The following CCDC144A variants were observed in gnomAD, a reference collection of about 807,000 sequenced individuals.
CCDC144A encodes the protein coiled-coil domain-containing protein 144A.
In CCDC144A, 41 loss-of-function variants were observed where a neutral mutation model predicts 143.8. The ratio of observed to expected loss-of-function variants is 0.29; its 90% CI spans 0.22 to 0.37. The LOEUF (loss-of-function observed/expected upper bound fraction) is 0.37. Among genes scored for constraint, CCDC144A ranks in the 10% least tolerant of loss-of-function variants. The probability of loss-of-function intolerance (pLI) is 1.00; values close to 1 mark genes in which losing one functional copy is unlikely to be tolerated. For synonymous variants in CCDC144A, 242 were observed against 517.9 expected (o/e 0.47, Z 7.23); for missense variants, 637 against 1,488.8 (o/e 0.43, Z 9.41).
At chr17:16,761,388 T>G (rs556591197) in intron 12 of CCDC144A, 37 bp from the exon 13 acceptor site, 2 of 1,577,780 alleles carry the variant, frequency 1.3e-6, no homozygotes, top group South Asian at 1.2e-5. Flanking sequence ...TCAGTCTACC[T>G]TCTTCATTAC....
chr17:16,751,625 A>G (rs928527530), intron 12 of CCDC144A, among the ~76,000 whole-genome samples: 3 of 152,246 alleles, frequency 2.0e-5, no homozygotes, highest in Admixed American at 2.0e-4. Flanking sequence ...CAGCGGCCCA[A>G]GCCAAAAGTT....
At chr17:16,750,278 C>CT (rs962348618) in intron 12 of CCDC144A, among the ~76,000 whole-genome samples, 34 of 151,624 alleles carry the variant, frequency 2.2e-4, no homozygotes, top group African/African-American at 8.3e-4. Context: ...TCTTGTAAGT[C>CT]TGGTCTAGCG....
chr17:16,757,439 G>T (rs1442952837), intron 12 of CCDC144A, among the ~76,000 whole-genome samples: 1 of 152,256 alleles, frequency 6.6e-6, no homozygotes, highest in Admixed American at 6.5e-5. Context: ...CGGTGGGGCA[G>T]TAGGACTCTC....
At position 16,708,918 on chromosome 17, in the gene CCDC144A, G is replaced by T. The variant is rs766556877; in HGVS notation, c.861G>T (p.Trp287Cys). The change falls in exon 5 of 17, where the codon TGG (tryptophan) becomes TGT (cysteine). Residue 287 changes from tryptophan (W) to cysteine (C), a missense_variant. Transcript: ENST00000399273. ...GGATTGAACAAGGCAAATTAGAGTG[G>T]AAAAACCAATTAAAACTCGTCATAA... ...EMWIEQGKLE[W>C]KNQLKLVINE... The T allele has an allele frequency of 3.1e-6, 5 of 1,611,560 alleles. No individual in the cohort carries two copies. Among genetic ancestry groups the T allele is most frequent in the Admixed American group, 1.7e-5 (1 of 59,976 alleles).
intron 12 of CCDC144A, chr17:16,746,901 C>G (rs1914562188): frequency 4.8e-6 from 3 of 628,514 alleles, no homozygotes; most frequent in African/African-American, 1.8e-5. Flanking sequence ...CCTCCCTCCC[C>G]TCCCTCCCCT....
intron 5 of CCDC144A, among the ~76,000 whole-genome samples, chr17:16,711,150 A>AAAAAAAAC (rs1912407311): frequency 7.1e-6 from 1 of 140,954 alleles, no homozygotes; most frequent in East Asian, 2.0e-4. Flanking sequence ...AAAAAAAAAA[A>AAAAAAAAC]AAAAAAAACA....
At position 16,719,056 on chromosome 17, in the gene CCDC144A, T is replaced by C. The variant is rs1912938226; in HGVS notation, c.1716-1142T>C. ...CATCTTGGGAAAGCTGGTCTTGAAC[T>C]CCTGACCTCGTGATCCATCCACCTC... On this transcript the variant is annotated intron_variant, in intron 6 of 16. Transcript: ENST00000399273. Among the ~76,000 whole-genome samples, 4 of 150,646 alleles carry C rather than the reference T, an allele frequency of 2.7e-5. No individual in the cohort carries two copies. In the South Asian group the frequency reaches 8.5e-4, roughly 32 times the overall value.
At chr17:16,758,978 A>T (rs1915230150) in intron 12 of CCDC144A, among the ~76,000 whole-genome samples, 1 of 152,228 alleles carries the variant, frequency 6.6e-6, no homozygotes, top group Non-Finnish European at 1.5e-5. Context: ...GTGCCTTAAG[A>T]TGCGTATACC....
intron 8 of CCDC144A, among the ~76,000 whole-genome samples, chr17:16,721,279 G>T (rs1336371297): frequency 6.6e-6 from 1 of 151,960 alleles, no homozygotes; most frequent in Non-Finnish European, 1.5e-5. Context: ...AATCAGGAGA[G>T]TTAACATGTT....
At chr17:16,751,336 T>C (rs1274422614) in intron 12 of CCDC144A, among the ~76,000 whole-genome samples, 1 of 152,142 alleles carries the variant, frequency 6.6e-6, no homozygotes, top group African/African-American at 2.4e-5. Context: ...CTTTCCTGCA[T>C]TGGGTTTCAC....
chr17:16,682,883 G>GTTTTTTTTTTTTTTTTTTTTTTTTT, the CCDC144A span, among the ~76,000 whole-genome samples: 3 of 46,432 alleles, frequency 6.5e-5, 1 homozygote, highest in Non-Finnish European at 1.5e-4. Flanking sequence ...TGGATTCTCT[G>GTTTTTTTTTTTTTTTTTTTTTTTTT]TTTTTTTTTT....
In CCDC144A at chr17:16,707,535, A is replaced by C; in HGVS notation, c.731A>C (p.Gln244Pro). ...QERLKGCENK[Q>P]PQKTSQEPEM... ...AGACTTAAAGGATGCGAAAATAAGC[A>C]GCCACAGGTGTGGAAACATTTAAAC... Residue 244 changes from glutamine (Q) to proline (P), a missense_variant, in exon 4 of 17, where the codon CAG becomes CCG. Physicochemically the swap from Gln to Pro is moderately conservative, Grantham distance 76. Coordinates refer to ENST00000399273, the MANE Select transcript of CCDC144A (RefSeq NM_001382000.1). The C allele has an allele frequency of 6.3e-7, 1 of 1,591,532 alleles. No individual in the cohort carries two copies.
intron 12 of CCDC144A, among the ~76,000 whole-genome samples, chr17:16,758,040 TG>T (rs1261522884): frequency 6.6e-6 from 1 of 152,248 alleles, no homozygotes; most frequent in African/African-American, 2.4e-5. Flanking sequence ...ACCTACTTGC[TG>T]TTTTGGTTTT....
At chr17:16,746,705 A>G (rs1914540243) in intron 12 of CCDC144A, 1 of 1,611,854 alleles carries the variant, frequency 6.2e-7, no homozygotes, top group Non-Finnish European at 8.5e-7. Flanking sequence ...CAGCGGGCGC[A>G]GCTGCTCCTC....
At chr17:16,696,586 A>G (rs1911421346) in intron 2 of CCDC144A, among the ~76,000 whole-genome samples, 1 of 150,034 alleles carries the variant, frequency 6.7e-6, no homozygotes. Context: ...GTGAGCCAAG[A>G]TCGCACCACT....
chr17:16,755,766 GC>G (rs1915052209), intron 12 of CCDC144A, among the ~76,000 whole-genome samples: 1 of 152,178 alleles, frequency 6.6e-6, no homozygotes, highest in Non-Finnish European at 1.5e-5. Flanking sequence ...TTGCCAAATT[GC>G]CCAGGCTGGT....
At chr17:16,720,128 G>T (rs1913003861) in intron 6 of CCDC144A, 70 bp from the exon 7 acceptor site, 1 of 1,450,660 alleles carries the variant, frequency 6.9e-7, no homozygotes, top group African/African-American at 1.5e-5. Context: ...TGATAAAACA[G>T]TAGTGTTAGA....
chr17:16,776,714 T>C lies in CCDC144A; in HGVS notation c.*3081T>C, dbSNP rs1284952526. On this transcript the variant is annotated 3_prime_UTR_variant, in exon 17 of 17. Coordinates refer to ENST00000399273, the MANE Select transcript of CCDC144A (RefSeq NM_001382000.1). ...TCTTTCTTTCTCTTGCCTGATTGCC[T>C]TGGTGAGAATTTCTAATACTGTGTT... 6.6e-6 allele frequency: 1 copy of C among 151,764 alleles called. No homozygotes were observed. The highest frequency in any genetic ancestry group is 6.6e-5 in the Admixed American group (1 of 15,212). The allele number at this position is 151,764 out of a possible 1,614,324, so 9.4% of individuals were successfully genotyped here. A position where few individuals can be genotyped will look rare whatever the true frequency, so the allele number is the denominator to read the frequency against.
At chr17:16,689,929 C>G (rs1435738492), upstream of CCDC144A, 1 of 153,274 alleles carries the variant, frequency 6.5e-6, no homozygotes, top group African/African-American at 2.4e-5. Context: ...CGCTGTGAAG[C>G]GGCACTCATG....
Sources: allele counts gnomAD v4.1 joint callset (sites outside exome capture counted in the v4.1 genomes callset), GRCh38; gene constraint gnomAD v4.1.1; transcripts MANE v1.5; gene names NCBI Gene and HGNC (gene_info 2026-07-23, HGNC 2026-07-21).